Variants in CRADD observed in about 807,000 individuals in gnomAD.
CRADD encodes CARD and death domain containing adaptor protein.
In CRADD, 9 loss-of-function variants were observed where a neutral mutation model predicts 15.5. The ratio of observed to expected loss-of-function variants is 0.58; its 90% CI spans 0.35 to 1.01. The LOEUF is 1.01. Among genes scored for constraint, CRADD ranks in the 50% least tolerant of loss-of-function variants. CRADD has a pLI of 0.02. For missense variants in CRADD, 227 were observed against 250.3 expected, an observed-to-expected ratio of 0.91 and a Z score of 0.63; for synonymous variants, 118 against 107.6, an observed-to-expected ratio of 1.10 and a Z score of -0.60.
At chr12:93,754,266 A>G (rs1956863664) in intron 2 of CRADD, among the ~76,000 whole-genome samples, 1 of 152,332 alleles carries the variant, frequency 6.6e-6, no homozygotes, top group Non-Finnish European at 1.5e-5. Context: ...TGGTCCATGA[A>G]ACCATTTTTT....
chr12:93,856,585 A>G (rs1469389768), intron 2 of CRADD, among the ~76,000 whole-genome samples: 1 of 152,248 alleles, frequency 6.6e-6, no homozygotes, highest in African/African-American at 2.4e-5. Context: ...TATGGGCAGC[A>G]GAATCCCATT....
chr12:93,870,989 T>C (rs1958414282), intron 2 of CRADD, among the ~76,000 whole-genome samples: 2 of 152,140 alleles, frequency 1.3e-5, no homozygotes, highest in African/African-American at 4.8e-5. Context: ...TTCAAACAGA[T>C]GAAAAGACAA....
chr12:93,678,846 A>G lies in CRADD; in HGVS notation c.72A>G (p.Gly24=). ...LELGAEVLVE[G]LVLQYLYQEG... Reference sequence around the variant, plus strand: ...TGGGTGCAGAGGTATTGGTGGAGGGACTGGTTCTTCAGTACCTCTACCAGG... The same window carrying G: ...TGGGTGCAGAGGTATTGGTGGAGGGGCTGGTTCTTCAGTACCTCTACCAGG... The change falls in exon 2 of 3, where the codon GGA becomes GGG. Residue 24 remains glycine (G), a synonymous_variant. Transcript: ENST00000332896. 1 of 1,614,198 alleles carries G rather than the reference A, an allele frequency of 6.2e-7. No homozygotes were observed. Among genetic ancestry groups the G allele is most frequent in the Non-Finnish European group, 8.5e-7 (1 of 1,180,022 alleles).
At chr12:93,738,293 G>T (rs1054065804) in intron 2 of CRADD, 1 of 689,832 alleles carries the variant, frequency 1.4e-6, no homozygotes, top group Non-Finnish European at 2.6e-6. Context: ...ATGAGGACCT[G>T]AAGGAGGCCC....
intron 2 of CRADD, among the ~76,000 whole-genome samples, chr12:93,770,324 C>T (rs1398409947): frequency 6.6e-6 from 1 of 151,974 alleles, no homozygotes; most frequent in African/African-American, 2.4e-5. Context: ...GTCTCGATCT[C>T]CTGACCTCGT....
At chr12:93,822,539 G>T (rs985284495) in intron 2 of CRADD, among the ~76,000 whole-genome samples, 2 of 152,172 alleles carry the variant, frequency 1.3e-5, no homozygotes, top group Non-Finnish European at 2.9e-5. Flanking sequence ...GTGATCCTGG[G>T]CTCCTTCTTC....
At chr12:93,892,661 C>T (rs1035073329) in intron 2 of CRADD, among the ~76,000 whole-genome samples, 1 of 152,046 alleles carries the variant, frequency 6.6e-6, no homozygotes, top group African/African-American at 2.4e-5. Context: ...GGAAGGGGGG[C>T]CCTTGCTGTT....
intron 2 of CRADD, among the ~76,000 whole-genome samples, chr12:93,821,788 T>C (rs1226909884): frequency 3.3e-5 from 5 of 152,114 alleles, no homozygotes; most frequent in South Asian, 2.1e-4. Flanking sequence ...AGGGAGTCAG[T>C]TGGGTTTCCA....
downstream of CRADD, among the ~76,000 whole-genome samples, chr12:93,851,803 G>A (rs1958225087): frequency 6.6e-6 from 1 of 151,908 alleles, no homozygotes; most frequent in African/African-American, 2.4e-5. Context: ...TTTTCAAAAG[G>A]GAGAAAAAAA....
chr12:93,760,303 A>T (rs560769237), intron 2 of CRADD, among the ~76,000 whole-genome samples: 3 of 152,306 alleles, frequency 2.0e-5, no homozygotes, highest in African/African-American at 7.2e-5. Flanking sequence ...GTGTGTGAGG[A>T]GAAGAAAGTG....
chr12:93,827,038 A>G (rs1003884755), intron 2 of CRADD, among the ~76,000 whole-genome samples: 2 of 152,196 alleles, frequency 1.3e-5, no homozygotes, highest in Non-Finnish European at 2.9e-5. Flanking sequence ...AAGGGGACAA[A>G]ATAAACCCAA....
At chr12:93,679,422 G>T (rs780601160) in intron 2 of CRADD, among the ~76,000 whole-genome samples, 14 of 152,168 alleles carry the variant, frequency 9.2e-5, no homozygotes, top group African/African-American at 3.4e-4. Context: ...GATTACAGAC[G>T]TGAGCCACCA....
At chr12:93,702,037 T>C (rs1592900936) in intron 2 of CRADD, among the ~76,000 whole-genome samples, 1 of 152,076 alleles carries the variant, frequency 6.6e-6, no homozygotes, top group Admixed American at 6.5e-5. Context: ...GGTAAACTTA[T>C]CTAACGCTTC....
At chr12:93,861,214 T>G (rs1006648611) in intron 2 of CRADD, among the ~76,000 whole-genome samples, 2 of 152,070 alleles carry the variant, frequency 1.3e-5, no homozygotes, top group Non-Finnish European at 2.9e-5. Flanking sequence ...GTTACTCAGG[T>G]TGAGGCAGGA....
intron 2 of CRADD, among the ~76,000 whole-genome samples, chr12:93,823,629 T>C (rs1791563214): frequency 6.6e-6 from 1 of 152,250 alleles, no homozygotes; most frequent in South Asian, 2.1e-4. Context: ...CAGGCATTTA[T>C]TTACTTGAAG....
At chr12:93,866,304 C>T (rs1042262001) in intron 2 of CRADD, among the ~76,000 whole-genome samples, 2 of 152,022 alleles carry the variant, frequency 1.3e-5, no homozygotes, top group Non-Finnish European at 2.9e-5. Context: ...AATTTCCTTA[C>T]CCTTTCTCTC....
intron 2 of CRADD, among the ~76,000 whole-genome samples, chr12:93,867,403 A>ATATTTTTTT (rs985334638): frequency 7.0e-6 from 1 of 143,378 alleles, no homozygotes; most frequent in East Asian, 2.1e-4. Flanking sequence ...ATATATATAT[A>ATATTTTTTT]TTTTTTAAAC....
At chr12:93,889,653 A>G (rs1023208377) in intron 2 of CRADD, among the ~76,000 whole-genome samples, 7 of 152,134 alleles carry the variant, frequency 4.6e-5, no homozygotes, top group Non-Finnish European at 1.0e-4. Flanking sequence ...CGAGGGTTGT[A>G]AGTCATAGCC....
intron 2 of CRADD, among the ~76,000 whole-genome samples, chr12:93,766,170 C>G (rs1957025657): frequency 6.6e-6 from 1 of 152,160 alleles, no homozygotes; most frequent in African/African-American, 2.4e-5. Context: ...CATCCTCTGA[C>G]AGCTTACACC....
Sources: allele counts gnomAD v4.1 joint callset (sites outside exome capture counted in the v4.1 genomes callset), GRCh38; gene constraint gnomAD v4.1.1; transcripts MANE v1.5; gene names NCBI Gene and HGNC (gene_info 2026-07-23, HGNC 2026-07-21).